The following RASAL2 variants were observed in gnomAD, a reference collection of about 807,000 sequenced individuals.
The protein encoded by RASAL2 is ras GTPase-activating protein nGAP.
Under a neutral mutation model 128.9 loss-of-function variants are expected in RASAL2, and 58 were observed. That is an observed-to-expected ratio of 0.45 (90% CI 0.36 to 0.56). The LOEUF is 0.56. RASAL2 is among the 20% of genes least tolerant of loss of function. RASAL2 has a pLI of 0.00. For missense variants in RASAL2, 1,360 were observed against 1,601.6 expected (o/e 0.85, Z 2.57); for synonymous variants, 561 against 580.8 (o/e 0.97, Z 0.49).
chr1:178,455,831 A>C (rs1677731666), intron 12 of RASAL2, among the ~76,000 whole-genome samples: 1 of 152,252 alleles, frequency 6.6e-6, no homozygotes, highest in Admixed American at 6.5e-5. Context: ...CTAAGACCCC[A>C]TGAGAATAAG....
chr1:178,116,462 A>G (rs1659521717), intron 1 of RASAL2, among the ~76,000 whole-genome samples: 1 of 152,142 alleles, frequency 6.6e-6, no homozygotes, highest in South Asian at 2.1e-4. Flanking sequence ...AAGAATCACT[A>G]GAGTAGTATA....
chr1:178,388,065 T>A (rs917535987), intron 3 of RASAL2, among the ~76,000 whole-genome samples: 16 of 152,156 alleles, frequency 1.1e-4, no homozygotes, highest in Admixed American at 2.0e-4. Context: ...TTAGTTTCTC[T>A]GTCAATTATT....
At chr1:178,286,692 G>A (rs527252245) in intron 2 of RASAL2, among the ~76,000 whole-genome samples, 4 of 152,322 alleles carry the variant, frequency 2.6e-5, no homozygotes, top group East Asian at 1.9e-4. Context: ...GATTATAGGC[G>A]TGGGCCACCG....
At position 178,115,078 on chromosome 1, in the gene RASAL2, A is replaced by T. The variant is rs115933741; in HGVS notation, c.202+20384A>T. ...AGAATTAGTACTATTTCTTCCTTAT[A>T]TATTTGGTACAGTTTATCAGATAAG... is the stretch of plus-strand genomic sequence containing the variant. On this transcript the variant is annotated intron_variant, in intron 1 of 17. Transcript: ENST00000367649. 7.0e-3 allele frequency among the ~76,000 whole-genome samples: 1,064 copies of T among 152,076 alleles called. 16 individuals carry two copies. The highest frequency in any genetic ancestry group is 7.6e-3 in the Non-Finnish European group (517 of 67,994).
At chr1:178,177,570 A>G (rs1296852137) in intron 1 of RASAL2, among the ~76,000 whole-genome samples, 8 of 152,266 alleles carry the variant, frequency 5.3e-5, no homozygotes, top group Admixed American at 5.2e-4. Context: ...TCACTGGGAA[A>G]TACAGGAAGA....
chr1:178,449,583 G>A (rs1051817468), intron 9 of RASAL2, among the ~76,000 whole-genome samples: 1 of 151,788 alleles, frequency 6.6e-6, no homozygotes, highest in African/African-American at 2.4e-5. Context: ...AATGCAAGAA[G>A]GCAAACTTAA....
At chr1:178,220,893 G>GT (rs1663590924) in intron 1 of RASAL2, among the ~76,000 whole-genome samples, 1 of 152,204 alleles carries the variant, frequency 6.6e-6, no homozygotes. Flanking sequence ...TCATGTGGAG[G>GT]TTTTTGTGTG....
chr1:178,302,421 A>C (rs529559905), intron 3 of RASAL2, among the ~76,000 whole-genome samples: 59 of 152,352 alleles, frequency 3.9e-4, no homozygotes, highest in African/African-American at 1.3e-3. Flanking sequence ...ATGATAACAA[A>C]TTCCTAGGGG....
At position 178,474,843 on chromosome 1, in the gene RASAL2, A is replaced by G. The variant is rs1238648881; in HGVS notation, c.*1604A>G. ...GTTGTTTTATATTGAGAAAGCAACA[A>G]TGTTTCTCGAATAAGTTGATGTTGA... On this transcript the variant is annotated 3_prime_UTR_variant, in exon 18 of 18. Coordinates refer to ENST00000367649, the MANE Select transcript of RASAL2 (RefSeq NM_170692.4). 1 of 152,184 alleles carries G rather than the reference A, an allele frequency of 6.6e-6. No individual in the cohort carries two copies. The allele number at this position is 152,184 out of a possible 1,614,324, so 9.4% of individuals were successfully genotyped here. A position where few individuals can be genotyped will look rare whatever the true frequency, so the allele number is the denominator to read the frequency against.
intron 3 of RASAL2, among the ~76,000 whole-genome samples, chr1:178,349,142 C>T (rs546796634): frequency 4.6e-5 from 7 of 150,746 alleles, no homozygotes; most frequent in Non-Finnish European, 7.4e-5. Flanking sequence ...CCAGTCTGGC[C>T]GGACGCCGTG....
intron 3 of RASAL2, among the ~76,000 whole-genome samples, chr1:178,310,342 A>G (rs1668182602): frequency 6.6e-6 from 1 of 152,186 alleles, no homozygotes; most frequent in Non-Finnish European, 1.5e-5. Context: ...TGATATAGTT[A>G]GATTTGCCCA....
At chr1:178,472,457 C>G (rs938478428) in intron 17 of RASAL2, among the ~76,000 whole-genome samples, 4 of 152,172 alleles carry the variant, frequency 2.6e-5, no homozygotes, top group Non-Finnish European at 5.9e-5. Context: ...CCCTTTTCGG[C>G]ACATCTCCCT....
chr1:178,266,264 CA>C lies in RASAL2; in HGVS notation c.203-17299del, dbSNP rs1256986835. Among the ~76,000 whole-genome samples, 5 of 152,148 alleles carry C rather than the reference CA, an allele frequency of 3.3e-5. No homozygotes were observed. In the East Asian group the frequency reaches 9.6e-4, roughly 29 times the overall value. ...TACTTAGTATCTTTTTCATTTTAGC[CA>C]TTCTAGTGGGTATGTAGTGCTATCT... is the stretch of plus-strand genomic sequence containing the variant. On this transcript the variant is annotated intron_variant, in intron 1 of 17. Transcript: ENST00000367649.
intron 1 of RASAL2, among the ~76,000 whole-genome samples, chr1:178,264,692 A>T (rs1419920949): frequency 6.6e-6 from 1 of 152,208 alleles, no homozygotes; most frequent in Non-Finnish European, 1.5e-5. Context: ...TTTAGGGTAT[A>T]CCAGCATCCT....
intron 3 of RASAL2, among the ~76,000 whole-genome samples, chr1:178,379,695 A>G (rs1351311426): frequency 1.3e-5 from 2 of 152,178 alleles, no homozygotes; most frequent in South Asian, 2.1e-4. Context: ...TGGTTCCCTT[A>G]GAGTTTTTAA....
intron 2 of RASAL2, among the ~76,000 whole-genome samples, chr1:178,284,484 C>G (rs1217581523): frequency 1.3e-5 from 2 of 152,220 alleles, no homozygotes; most frequent in Non-Finnish European, 2.9e-5. Context: ...TAGAATAGAT[C>G]TGGCGAGGTA....
chr1:178,211,800 A>G lies in RASAL2; in HGVS notation c.203-71764A>G, dbSNP rs566092859. 1.2e-3 allele frequency among the ~76,000 whole-genome samples: 176 copies of G among 152,194 alleles called. 3 individuals carry two copies. In the South Asian group the frequency reaches 0.035, roughly 30 times the overall value. ...ATGGTTTCCATTTTGTCCCCATTGAATTCTGTATGTACTTTATATTTTTGC... is the reference window on the plus strand; with the variant it reads ...ATGGTTTCCATTTTGTCCCCATTGAGTTCTGTATGTACTTTATATTTTTGC... On this transcript the variant is annotated intron_variant, in intron 1 of 17. Coordinates refer to ENST00000367649, the MANE Select transcript of RASAL2 (RefSeq NM_170692.4).
intron 1 of RASAL2, among the ~76,000 whole-genome samples, chr1:178,222,198 CTA>C (rs1264839672): frequency 5.9e-5 from 9 of 152,162 alleles, no homozygotes; most frequent in African/African-American, 9.6e-5. Context: ...CTAACGGTCT[CTA>C]TTTTTAAATT....
intron 3 of RASAL2, among the ~76,000 whole-genome samples, chr1:178,320,608 C>T (rs537617667): frequency 3.6e-4 from 55 of 152,326 alleles, no homozygotes; most frequent in Admixed American, 7.8e-4. Context: ...CTCCCTGACC[C>T]CTTGCGCTTC....
Sources: gnomAD v4.1 joint callset for allele counts (sites outside exome capture counted in the v4.1 genomes callset) on GRCh38, gnomAD v4.1.1 for gene constraint, MANE v1.5 for transcripts, NCBI Gene and HGNC (gene_info 2026-07-23, HGNC 2026-07-21) for gene names.